The following CYP27C1 variants were observed in gnomAD, a reference collection of about 807,000 sequenced individuals.
CYP27C1 encodes the protein cytochrome P450 27C1.
Under a neutral mutation model 40.6 loss-of-function variants are expected in CYP27C1, and 29 were observed. That is an observed-to-expected ratio of 0.71 (90% confidence interval 0.53 to 0.97). CYP27C1 has a LOEUF of 0.97. CYP27C1 is among the 50% of genes least tolerant of loss of function. The pLI, the probability that CYP27C1 is intolerant of heterozygous loss-of-function variation, is 0.00. For missense variants in CYP27C1, 390 were observed against 485.8 expected (o/e 0.80, Z 1.85); for synonymous variants, 198 against 186.8 (o/e 1.06, Z -0.49).
In CYP27C1 at chr2:127,218,916, G is replaced by A. The variant is rs1024892857; in HGVS notation, c.282+1073C>T. Reference sequence around the variant, plus strand: ...CCCCTGCCACGAAGGGCGCAACGGAGGTGGGCGTGGGAAGGACAGCACTCA... The same window carrying A: ...CCCCTGCCACGAAGGGCGCAACGGAAGTGGGCGTGGGAAGGACAGCACTCA... On this transcript the variant is annotated intron_variant, in intron 1 of 8. Coordinates refer to ENST00000664447, the MANE Select transcript of CYP27C1 (RefSeq NM_001367502.1). This position sits in a 1 kb window ranked among gnomAD's most constrained non-coding sequence, Gnocchi z 6.0. Among the ~76,000 whole-genome samples, 1 of 152,214 alleles carries A rather than the reference G, an allele frequency of 6.6e-6. No homozygotes were observed. Among genetic ancestry groups the A allele is most frequent in the African/African-American group, 2.4e-5 (1 of 41,462 alleles).
chr2:127,187,307 C>T lies in CYP27C1; in HGVS notation c.1578G>A (p.Gly526=). ...TAACAAATCGCACGTGGATGGGCCC[C>T]CCTGGCGTCAGGAGCCCGTGGGTTT... ...HAKTHGLLTP[G]GPIHVRFVNR... is the part of the protein sequence containing the mutation. The change falls in exon 9 of 9, where the codon GGG becomes GGA. Residue 526 remains glycine, a synonymous_variant. Coordinates refer to ENST00000664447, the MANE Select transcript of CYP27C1 (RefSeq NM_001367502.1). 1.9e-6 allele frequency: 3 copies of T among 1,614,154 alleles called. No individual in the cohort carries two copies. Among genetic ancestry groups the T allele is most frequent in the Non-Finnish European group, 8.5e-7 (1 of 1,180,040 alleles).
Position 127,219,485 on chromosome 2 carries a change from C to T in CYP27C1, c.282+504G>A, listed in dbSNP as rs371845066. Reference sequence around the variant, plus strand: ...GGGACCAGTCCCTGGAGACCCTGCCCGCCGCCTCTCTCGGGCTACCACTCT... The same window carrying T: ...GGGACCAGTCCCTGGAGACCCTGCCTGCCGCCTCTCTCGGGCTACCACTCT... On this transcript the variant is annotated intron_variant, in intron 1 of 8. Transcript: ENST00000664447. The surrounding 1 kb of genome is among the most constrained non-coding windows in gnomAD (Gnocchi z 8.7). 6.3e-4 allele frequency among the ~76,000 whole-genome samples: 96 copies of T among 152,156 alleles called. No homozygotes were observed. The highest frequency in any genetic ancestry group is 2.1e-3 in the African/African-American group (88 of 41,522).
At position 127,195,594 on chromosome 2, in the gene CYP27C1, C is replaced by T; in HGVS notation, c.1048-93G>A. On this transcript the variant is annotated intron_variant, in intron 5 of 8. Transcript: ENST00000664447. The surrounding 1 kb of genome is among the most constrained non-coding windows in gnomAD (Gnocchi z 6.2). ...GCAGGTAGGAAGTCCCCTGGGAATA[C>T]ACACAGCACAAAGTCAAACTCATCC... 3 of 1,325,404 alleles carry T rather than the reference C, an allele frequency of 2.3e-6. No homozygotes were observed. The highest frequency in any genetic ancestry group is 2.8e-5 in the South Asian group (2 of 71,200). 82.1% of individuals were successfully genotyped at this position (1,325,404 alleles called of 1,614,324 possible). A position where few individuals can be genotyped will look rare whatever the true frequency, so the allele number is the denominator to read the frequency against.
At chr2:127,207,190 T>C (rs562906279) in intron 1 of CYP27C1, among the ~76,000 whole-genome samples, 3 of 151,954 alleles carry the variant, frequency 2.0e-5, no homozygotes, top group East Asian at 1.9e-4. Flanking sequence ...CATGGCAAAA[T>C]TCTGTCTCTA....
intron 8 of CYP27C1, among the ~76,000 whole-genome samples, chr2:127,191,530 G>A (rs1682774858): frequency 6.6e-6 from 1 of 152,176 alleles, no homozygotes; most frequent in Non-Finnish European, 1.5e-5. Context: ...ATTTTAGGGA[G>A]CTGAGACCTT....
intron 8 of CYP27C1, among the ~76,000 whole-genome samples, chr2:127,192,765 G>A (rs1158737467): frequency 2.0e-5 from 1 of 49,172 alleles, no homozygotes; most frequent in African/African-American, 7.7e-5. Flanking sequence ...CGCGGTTGGA[G>A]GACAGGGTGG....
At chr2:127,216,288 C>T (rs375830859) in intron 1 of CYP27C1, among the ~76,000 whole-genome samples, 6 of 152,266 alleles carry the variant, frequency 3.9e-5, no homozygotes, top group Middle Eastern at 3.4e-3. Context: ...TGGAAACAAT[C>T]CAAATGTCTA....
rs781676249 is a variant in CYP27C1, at chr2:127,203,506, A to G, written c.539T>C (p.Val180Ala). Residue 180 changes from valine to alanine, a missense_variant, in exon 3 of 9, where the codon GTG (valine) becomes GCG (alanine). Transcript: ENST00000664447. ...LRQRILKPKD[V>A]AIYSGEVNQV... is the part of the protein sequence containing the mutation. ...GTTGACTTCTCCAGAATAAATGGCC[A>G]CATCTTTCGGTTTCAGAATTCTTTG... The G allele has an allele frequency of 6.2e-7, 1 of 1,614,044 alleles. No homozygotes were observed. Among genetic ancestry groups the G allele is most frequent in the East Asian group, 2.2e-5 (1 of 44,878 alleles).
chr2:127,204,483 A>G lies in CYP27C1; in HGVS notation c.474-912T>C, dbSNP rs1439603255. Among the ~76,000 whole-genome samples the G allele has an allele frequency of 6.8e-4, 55 of 81,228 alleles. 3 individuals carry two copies. Among genetic ancestry groups the G allele is most frequent in the Admixed American group, 1.9e-3 (11 of 5,932 alleles). 53.3% of individuals were successfully genotyped at this position (81,228 alleles called of 152,430 possible). On this transcript the variant is annotated intron_variant, in intron 2 of 8. Coordinates refer to ENST00000664447, the MANE Select transcript of CYP27C1 (RefSeq NM_001367502.1). ...AAGAAAGAAAGAAAGAAAGAAAGAAAGAAAGGAAGGAAGGAAGGAAGGAAA... is the reference window on the plus strand; with the variant it reads ...AAGAAAGAAAGAAAGAAAGAAAGAAGGAAAGGAAGGAAGGAAGGAAGGAAA...
chr2:127,204,137 G>A (rs915663716), intron 2 of CYP27C1, among the ~76,000 whole-genome samples: 4 of 151,184 alleles, frequency 2.6e-5, no homozygotes, highest in Admixed American at 6.6e-5. Flanking sequence ...GTGGTGGTGG[G>A]CACCTGTAAT....
intron 1 of CYP27C1, among the ~76,000 whole-genome samples, chr2:127,214,172 G>A (rs577351572): frequency 3.3e-5 from 5 of 152,288 alleles, no homozygotes; most frequent in African/African-American, 9.6e-5. Flanking sequence ...GTCAGGAATA[G>A]ATGCTGGCAA....
chr2:127,217,966 C>T (rs1683466049), intron 1 of CYP27C1, among the ~76,000 whole-genome samples: 1 of 152,140 alleles, frequency 6.6e-6, no homozygotes, highest in Non-Finnish European at 1.5e-5. Flanking sequence ...GGTAGTGCCA[C>T]CTGGAGAGTA....
rs146101433 is a variant in CYP27C1 at position 127,189,082 on chromosome 2, C to G, written c.1498-1695G>C. Among the ~76,000 whole-genome samples the G allele has an allele frequency of 4.6e-5, 7 of 152,134 alleles. No homozygotes were observed. The East Asian group carries it at 1.4e-3, about 29-fold the overall frequency. ...GTGGGTCTCCTAACTTCAAGGCCAT[C>G]GTGCCACACGGTATTTTTTCTTTTC... On this transcript the variant is annotated intron_variant, in intron 8 of 8. Coordinates refer to ENST00000664447, the MANE Select transcript of CYP27C1 (RefSeq NM_001367502.1).
At chr2:127,206,656 AAG>A (rs1683234877) in intron 1 of CYP27C1, among the ~76,000 whole-genome samples, 1 of 152,192 alleles carries the variant, frequency 6.6e-6, no homozygotes, top group Admixed American at 6.6e-5. Context: ...GTGAAGCAAC[AAG>A]AGAGAAATGT....
At position 127,195,482 on chromosome 2, in the gene CYP27C1, C is replaced by A; in HGVS notation, c.1067G>T (p.Trp356Leu). The part of the protein sequence containing the change: ...GVDTTSFTLS[W>L]TVYLLARHPE... ...GTGCCTTGCCAGGAGGTACACAGTC[C>A]AAGACAAGGTGAAGGACGTCTAAGG... Residue 356 changes from tryptophan to leucine, a missense_variant, in exon 6 of 9, where the codon TGG becomes TTG. Trp to Leu is a moderately conservative substitution (Grantham distance 61). Transcript: ENST00000664447. This position sits in a 1 kb window ranked among gnomAD's most constrained non-coding sequence, Gnocchi z 6.2. The A allele has an allele frequency of 6.2e-7, 1 of 1,613,928 alleles. No homozygotes were observed. The highest frequency in any genetic ancestry group is 8.5e-7 in the Non-Finnish European group (1 of 1,179,950).
Position 127,195,740 on chromosome 2 carries a change from A to G in CYP27C1, c.1048-239T>C, listed in dbSNP as rs1682888932. Among the ~76,000 whole-genome samples the G allele has an allele frequency of 2.0e-5, 3 of 152,362 alleles. No individual in the cohort carries two copies. The South Asian group carries it at 6.2e-4, about 32-fold the overall frequency. Reference sequence around the variant, plus strand: ...GCAAGTGACATTGACTCTATGATTCATGTGCTCCTGTCATGAAGAGCCACA... The same window carrying G: ...GCAAGTGACATTGACTCTATGATTCGTGTGCTCCTGTCATGAAGAGCCACA... On this transcript the variant is annotated intron_variant, in intron 5 of 8. Transcript: ENST00000664447. The surrounding 1 kb of genome is among the most constrained non-coding windows in gnomAD (Gnocchi z 6.2).
Position 127,195,183 on chromosome 2 carries a change from T to C in CYP27C1, c.1214+152A>G, listed in dbSNP as rs993310606. The C allele has an allele frequency of 8.5e-6, 8 of 935,808 alleles. No individual in the cohort carries two copies. In the African/African-American group the frequency reaches 1.2e-4, roughly 14 times the overall value. The allele number at this position is 935,808 out of a possible 1,614,324, so 58.0% of individuals were successfully genotyped here. A position where few individuals can be genotyped will look rare whatever the true frequency, so the allele number is the denominator to read the frequency against. ...GACCCATAAAACAGAATGGTCTTTC[T>C]GCTATTCTGACAAGAGCAGAGAAAA... On this transcript the variant is annotated intron_variant, in intron 6 of 8. Transcript: ENST00000664447. This position sits in a 1 kb window ranked among gnomAD's most constrained non-coding sequence, Gnocchi z 6.2.
Position 127,193,317 on chromosome 2 carries a change from C to G in CYP27C1, c.1294-20G>C, listed in dbSNP as rs758515472. ...CTGGGTCTGAGGAAATCAGGGATGA[C>G]AGAAAAGGGAAAAGGGGCAGAATCA... On this transcript the variant is annotated intron_variant, in intron 7 of 8. Transcript: ENST00000664447. 4 of 1,613,668 alleles carry G rather than the reference C, an allele frequency of 2.5e-6. No individual in the cohort carries two copies. The highest frequency in any genetic ancestry group is 3.4e-6 in the Non-Finnish European group (4 of 1,179,798).
At chr2:127,188,824 TCAGA>T (rs1365109261) in intron 8 of CYP27C1, among the ~76,000 whole-genome samples, 2 of 151,910 alleles carry the variant, frequency 1.3e-5, no homozygotes, top group Non-Finnish European at 2.9e-5. Flanking sequence ...TAATTAAGAG[TCAGA>T]CAGGGCACCA....
Sources: gnomAD v4.1 joint callset for allele counts (sites outside exome capture counted in the v4.1 genomes callset) on GRCh38, gnomAD v4.1.1 for gene constraint, Gnocchi (gnomAD v3.1) non-coding constraint, MANE v1.5 for transcripts, NCBI Gene and HGNC (gene_info 2026-07-23, HGNC 2026-07-21) for gene names.